Variants in FMO1 observed in about 807,000 individuals in gnomAD.
FMO1 encodes the protein flavin-containing monooxygenase 1.
Under a neutral mutation model 45.4 loss-of-function variants are expected in FMO1, and 36 were observed. That is an observed-to-expected ratio of 0.79 (90% CI 0.61 to 1.05). The LOEUF is 1.05. FMO1 is among the 50% of genes least tolerant of loss of function. The pLI, the probability that FMO1 is intolerant of heterozygous loss-of-function variation, is 0.00. For synonymous variants in FMO1, 228 were observed against 227.2 expected (o/e 1.00, Z -0.03); for missense variants, 615 against 640.3 (o/e 0.96, Z 0.43).
Position 171,248,499 on chromosome 1 carries a change from A to G in FMO1, c.-131A>G, listed in dbSNP as rs770292068. 5 of 152,206 alleles carry G rather than the reference A, an allele frequency of 3.3e-5. No homozygotes were observed. Among genetic ancestry groups the G allele is most frequent in the Non-Finnish European group, 7.3e-5 (5 of 68,042 alleles). The allele number at this position is 152,206 out of a possible 1,614,324, so 9.4% of individuals were successfully genotyped here. ...TTTAACATTCCTTATCTCTTAGACC[A>G]GGTTTATCCACTGTGCTGGGGACTC... is the stretch of plus-strand genomic sequence containing the variant. On this transcript the variant is annotated 5_prime_UTR_variant, in exon 1 of 9. Coordinates refer to ENST00000617670, the MANE Select transcript of FMO1 (RefSeq NM_001282693.2).
chr1:171,258,336 G>C, intron 2 of FMO1, 117 bp downstream of exon 2: 1 of 1,228,472 alleles, frequency 8.1e-7, no homozygotes, highest in Non-Finnish European at 1.2e-6. Flanking sequence ...AGAAATGTCT[G>C]CTGAACAGGG....
In FMO1 at chr1:171,275,450, T is replaced by C. The variant is rs770779006; in HGVS notation, c.426T>C (p.Ala142=). Residue 142 remains alanine (A), a synonymous_variant, in exon 4 of 9, where the codon GCT becomes GCC. Coordinates refer to ENST00000617670, the MANE Select transcript of FMO1 (RefSeq NM_001282693.2). The part of the protein sequence containing the change: ...EEKQESAIFD[A]VMVCTGFLTN... The stretch of plus-strand genomic sequence containing the variant: ...AGCAAGAGTCAGCCATCTTTGATGC[T>C]GTCATGGTCTGCACTGGCTTTCTTA... 4 of 1,613,804 alleles carry C rather than the reference T, an allele frequency of 2.5e-6. No homozygotes were observed. The South Asian group carries it at 3.3e-5, about 13-fold the overall frequency.
chr1:171,277,043 G>C (rs1248395429), intron 4 of FMO1, among the ~76,000 whole-genome samples: 4 of 152,092 alleles, frequency 2.6e-5, no homozygotes, highest in Non-Finnish European at 5.9e-5. Context: ...GCTCTACAAG[G>C]CTTGCAGTCT....
intron 1 of FMO1, chr1:171,251,943 A>G (rs1659915758): frequency 1.3e-5 from 2 of 152,020 alleles, no homozygotes; most frequent in South Asian, 2.1e-4. Context: ...GAGCAATAAC[A>G]TTTTTAATGT....
intron 2 of FMO1, among the ~76,000 whole-genome samples, chr1:171,260,812 C>G (rs1571333603): frequency 6.7e-6 from 1 of 149,850 alleles, no homozygotes; most frequent in East Asian, 2.0e-4. Context: ...CACCTGTAAT[C>G]CCAGCTACTC....
intron 3 of FMO1, chr1:171,270,878 C>T: frequency 2.8e-6 from 2 of 703,386 alleles, no homozygotes; most frequent in Non-Finnish European, 4.6e-6. Context: ...CCATTTTTTT[C>T]TTTAAAAGGA....
intron 2 of FMO1, among the ~76,000 whole-genome samples, chr1:171,262,844 T>C (rs1660433218): frequency 6.6e-6 from 1 of 152,166 alleles, no homozygotes; most frequent in South Asian, 2.1e-4. Flanking sequence ...TCCTGCGATA[T>C]AGACCCAGAA....
At chr1:171,251,007 G>C (rs937710850) in intron 1 of FMO1, among the ~76,000 whole-genome samples, 1 of 152,204 alleles carries the variant, frequency 6.6e-6, no homozygotes, top group Non-Finnish European at 1.5e-5. Context: ...TTCAGTAATA[G>C]ATATGGTTGA....
At chr1:171,282,540 AT>A in intron 7 of FMO1, 1 of 437,770 alleles carries the variant, frequency 2.3e-6, no homozygotes. Context: ...AAAAATATAT[AT>A]ATTTTTTTGA....
intron 4 of FMO1, among the ~76,000 whole-genome samples, chr1:171,276,158 CA>C (rs1048221635): frequency 6.6e-6 from 1 of 152,136 alleles, no homozygotes; most frequent in African/African-American, 2.4e-5. Context: ...AACAAGCATT[CA>C]AAAAGTTAAA....
At chr1:171,256,146 G>A (rs756718783) in intron 1 of FMO1, among the ~76,000 whole-genome samples, 5 of 151,846 alleles carry the variant, frequency 3.3e-5, no homozygotes, top group African/African-American at 9.7e-5. Flanking sequence ...GGTGGCGGGC[G>A]CCTGTAGTCC....
intron 2 of FMO1, among the ~76,000 whole-genome samples, chr1:171,266,929 G>A (rs1660640268): frequency 6.6e-6 from 1 of 152,138 alleles, no homozygotes; most frequent in African/African-American, 2.4e-5. Flanking sequence ...AAAAACTGAG[G>A]GTGGGAAATT....
intron 2 of FMO1, among the ~76,000 whole-genome samples, chr1:171,264,328 A>ATT (rs1660511818): frequency 2.0e-4 from 30 of 148,752 alleles, no homozygotes; most frequent in Admixed American, 1.9e-3. Flanking sequence ...GTGTGTGTAT[A>ATT]TATATATACA....
chr1:171,270,855 C>A, intron 3 of FMO1: 1 of 694,112 alleles, frequency 1.4e-6, no homozygotes, highest in Non-Finnish European at 2.3e-6. Context: ...AAATCCTACA[C>A]AGACTTACAT....
chr1:171,254,631 C>T (rs1329953272), intron 1 of FMO1, among the ~76,000 whole-genome samples: 1 of 152,182 alleles, frequency 6.6e-6, no homozygotes, highest in African/African-American at 2.4e-5. Context: ...GGATGATACA[C>T]TGTCGTTGGT....
intron 8 of FMO1, 21 bp downstream of exon 8, chr1:171,283,237 A>G: frequency 1.5e-6 from 1 of 646,944 alleles, no homozygotes; most frequent in African/African-American, 2.0e-5. Flanking sequence ...TACTTAATGC[A>G]CCCTTTTTAA....
At chr1:171,266,932 G>T (rs185574024) in intron 2 of FMO1, among the ~76,000 whole-genome samples, 1 of 152,194 alleles carries the variant, frequency 6.6e-6, no homozygotes, top group Non-Finnish European at 1.5e-5. Context: ...AACTGAGGGT[G>T]GGAAATTTGT....
chr1:171,278,985 A>T (rs1661240965), intron 5 of FMO1, 114 bp downstream of exon 5: 12 of 781,680 alleles, frequency 1.5e-5, no homozygotes, highest in Non-Finnish European at 2.2e-5. Flanking sequence ...ACATGCAAAC[A>T]ACAGATTACT....
At chr1:171,283,728 G>A (rs1661492447) in intron 8 of FMO1, among the ~76,000 whole-genome samples, 1 of 152,048 alleles carries the variant, frequency 6.6e-6, no homozygotes, top group African/African-American at 2.4e-5. Context: ...AAATTTTGTA[G>A]CATGTGAAAA....
Sources: allele counts gnomAD v4.1 joint callset (sites outside exome capture counted in the v4.1 genomes callset), GRCh38; gene constraint gnomAD v4.1.1; transcripts MANE v1.5; gene names NCBI Gene and HGNC (gene_info 2026-07-23, HGNC 2026-07-21).